Variants in PROM1 observed in about 807,000 individuals in gnomAD.
PROM1 encodes prominin-1.
In PROM1, 105 loss-of-function variants were observed where a neutral mutation model predicts 116.9. That is an observed-to-expected ratio of 0.90 (90% CI 0.77 to 1.06). PROM1 has a LOEUF of 1.06. Among genes scored for constraint, PROM1 ranks in the 50% least tolerant of loss-of-function variants. PROM1 has a pLI of 0.00. For missense variants in PROM1, 1,122 were observed against 1,045.2 expected (o/e 1.07, Z -1.01); for synonymous variants, 393 against 387.0 (o/e 1.02, Z -0.18).
chr4:16,032,512 T>C (rs1464986012), intron 5 of PROM1, among the ~76,000 whole-genome samples: 1 of 152,188 alleles, frequency 6.6e-6, no homozygotes, highest in African/African-American at 2.4e-5. Context: ...TGGCCAACCC[T>C]TGCTGTGCCT....
At chr4:16,015,417 T>C (rs1425791397) in intron 10 of PROM1, among the ~76,000 whole-genome samples, 3 of 145,062 alleles carry the variant, frequency 2.1e-5, no homozygotes, top group Non-Finnish European at 4.5e-5. Flanking sequence ...CGGCTGGGTG[T>C]GGTGGCTCAT....
intron 2 of PROM1, among the ~76,000 whole-genome samples, chr4:16,072,909 G>A (rs1743126401): frequency 6.6e-6 from 1 of 152,098 alleles, no homozygotes; most frequent in African/African-American, 2.4e-5. Flanking sequence ...CCCCCACCCA[G>A]GAACTGACAG....
intron 23 of PROM1, 69 bp from the exon 24 acceptor site, chr4:15,980,606 ATTTTTTTTTTTT>A (rs200645062): frequency 9.5e-6 from 7 of 734,130 alleles, no homozygotes; most frequent in South Asian, 3.8e-5. Flanking sequence ...TGTTTGGGGG[ATTTTTTTTTTTT>A]TTTTTTTTTT....
At chr4:15,997,763 C>T (rs1224481265) in intron 15 of PROM1, among the ~76,000 whole-genome samples, 1 of 152,146 alleles carries the variant, frequency 6.6e-6, no homozygotes, top group Non-Finnish European at 1.5e-5. Flanking sequence ...CTATGGCCAG[C>T]CTAGATGAAC....
intron 3 of PROM1, among the ~76,000 whole-genome samples, chr4:16,036,634 T>C (rs1319636862): frequency 6.6e-6 from 1 of 152,144 alleles, no homozygotes; most frequent in Non-Finnish European, 1.5e-5. Flanking sequence ...GCTCCTCTGC[T>C]ACAGCACATG....
At position 15,968,796 on chromosome 4, in the gene PROM1, C is replaced by G. The variant is rs572938666; in HGVS notation, c.*597G>C. Reference sequence around the variant, plus strand: ...AAAGTATAATAGATGAAAATCTCTGCGTGAAGAATATGCTGTAGGTTTCAC... The same window carrying G: ...AAAGTATAATAGATGAAAATCTCTGGGTGAAGAATATGCTGTAGGTTTCAC... On this transcript the variant is annotated 3_prime_UTR_variant, in exon 28 of 28. Transcript: ENST00000447510. The G allele has an allele frequency of 6.6e-6, 1 of 152,112 alleles. No homozygotes were observed. The highest frequency in any genetic ancestry group is 1.5e-5 in the Non-Finnish European group (1 of 68,024). 9.4% of individuals were successfully genotyped at this position (152,112 alleles called of 1,614,324 possible).
At chr4:16,003,485 T>C (rs1426099628) in intron 13 of PROM1, 1 of 447,640 alleles carries the variant, frequency 2.2e-6, no homozygotes, top group Non-Finnish European at 4.5e-6. Flanking sequence ...CAGTTTGTGA[T>C]ACCTGTGGCT....
chr4:15,980,945 T>TTTTATTTATTTATTTA (rs1560391843), intron 23 of PROM1, among the ~76,000 whole-genome samples: 2 of 70,364 alleles, frequency 2.8e-5, no homozygotes, highest in Non-Finnish European at 6.2e-5. Flanking sequence ...TCTTATGAGT[T>TTTTATTTATTTATTTA]GTTATTTATT....
chr4:16,058,630 G>A (rs1434464380), intron 2 of PROM1, among the ~76,000 whole-genome samples: 2 of 140,692 alleles, frequency 1.4e-5, no homozygotes, highest in South Asian at 2.2e-4. Flanking sequence ...CTGGGCGACA[G>A]AATAAGACTC....
chr4:16,023,306 C>A lies in PROM1; in HGVS notation c.784+20G>T. 6 of 1,557,894 alleles carry A rather than the reference C, an allele frequency of 3.9e-6. No homozygotes were observed. The highest frequency in any genetic ancestry group is 2.3e-5 in the South Asian group (2 of 86,376). ...ACTCCTGGATGGAACTTTCTTTGGT[C>A]ATTTTTGCCCACTGCTTACCTGTTG... On this transcript the variant is annotated intron_variant, in intron 8 of 27. Transcript: ENST00000447510.
At position 16,075,686 on chromosome 4, in the gene PROM1, C is replaced by G. The variant is rs779454059; in HGVS notation, c.220+1G>C. On this transcript the variant is annotated splice_donor_variant, in intron 2 of 27. Coordinates refer to ENST00000447510, the MANE Select transcript of PROM1 (RefSeq NM_006017.3). LOFTEE classifies it high-confidence loss of function. ...TATCTTTCCCTGCCATCAGCACTTA[C>G]CTTCTGGGAAATCACGCGGCTGTAC... 1.2e-6 allele frequency: 2 copies of G among 1,610,268 alleles called. No homozygotes were observed. The highest frequency in any genetic ancestry group is 3.4e-5 in the Admixed American group (2 of 59,692).
chr4:16,032,821 A>G (rs1733040928), intron 5 of PROM1, among the ~76,000 whole-genome samples: 1 of 152,236 alleles, frequency 6.6e-6, no homozygotes, highest in Non-Finnish European at 1.5e-5. Flanking sequence ...TAAAAGAAAA[A>G]TGAGTTTATT....
At chr4:16,077,927 G>T (rs1447425149) in intron 1 of PROM1, among the ~76,000 whole-genome samples, 3 of 152,180 alleles carry the variant, frequency 2.0e-5, no homozygotes, top group African/African-American at 7.2e-5. Context: ...AGAAGGGCAT[G>T]GCCTCAAGTC....
At chr4:16,011,508 G>A (rs997837725) in intron 11 of PROM1, among the ~76,000 whole-genome samples, 3 of 152,226 alleles carry the variant, frequency 2.0e-5, no homozygotes, top group Non-Finnish European at 2.9e-5. Flanking sequence ...ACACTGGCTT[G>A]TGCTCAGGCA....
chr4:16,058,362 A>C (rs1471195977), intron 2 of PROM1, among the ~76,000 whole-genome samples: 2 of 152,244 alleles, frequency 1.3e-5, no homozygotes, highest in African/African-American at 4.8e-5. Flanking sequence ...AAATGAGTAA[A>C]GAGGGGAATC....
chr4:16,005,406 G>A (rs1051538927), intron 13 of PROM1, among the ~76,000 whole-genome samples: 3 of 152,066 alleles, frequency 2.0e-5, no homozygotes, highest in African/African-American at 4.8e-5. Flanking sequence ...CCATACTGGA[G>A]CCTAATTATT....
chr4:16,057,894 C>T lies in PROM1; in HGVS notation c.220+17793G>A, dbSNP rs79798091. On this transcript the variant is annotated intron_variant, in intron 2 of 27. Coordinates refer to ENST00000447510, the MANE Select transcript of PROM1 (RefSeq NM_006017.3). ...TGATGGTTCCATCCCCCACAGCATT[C>T]ATTCCTTACCTGTTTGCTGAACAAG... 8.8e-3 allele frequency among the ~76,000 whole-genome samples: 1,338 copies of T among 152,272 alleles called. 38 individuals carry two copies. Among genetic ancestry groups the T allele is most frequent in the East Asian group, 0.065 (336 of 5,186 alleles).
chr4:16,042,919 T>G (rs569108648), intron 2 of PROM1, among the ~76,000 whole-genome samples: 1 of 152,208 alleles, frequency 6.6e-6, no homozygotes, highest in Non-Finnish European at 1.5e-5. Context: ...CTAAGCCAGA[T>G]GTTCAAGAGA....
rs755657854 is a variant in PROM1, at chr4:16,009,019, CAG to C, written c.1229_1230del (p.Ser410CysfsTer4). On this transcript the variant is annotated frameshift_variant, in exon 12 of 28. Coordinates refer to ENST00000447510, the MANE Select transcript of PROM1 (RefSeq NM_006017.3). LOFTEE classifies it high-confidence loss of function. ...TAACTTTCAGTGTTATTAACATAAA[CAG>C]AGAATGCTGAGAGTATATCCTGAAT... is the stretch of plus-strand genomic sequence containing the variant. Reference protein sequence around the residue: ...LPIQDILSAFSVYVNNTESYI... With the variant: ...LPIQDILSAFXVYVNNTESYI... 1.9e-6 allele frequency: 3 copies of C among 1,596,808 alleles called. No homozygotes were observed. The highest frequency in any genetic ancestry group is 2.6e-6 in the Non-Finnish European group (3 of 1,164,814).
Sources: gnomAD v4.1 joint callset for allele counts (sites outside exome capture counted in the v4.1 genomes callset) on GRCh38, gnomAD v4.1.1 for gene constraint, MANE v1.5 for transcripts, NCBI Gene and HGNC (gene_info 2026-07-23, HGNC 2026-07-21) for gene names.